Variants in PIP5K1B observed in about 807,000 individuals in gnomAD.
The protein encoded by PIP5K1B is phosphatidylinositol-4-phosphate 5-kinase type 1 beta.
A neutral mutation model predicts 67.0 loss-of-function variants in PIP5K1B; 42 were observed. That is an observed-to-expected ratio of 0.63 (90% CI 0.49 to 0.81). PIP5K1B has a LOEUF of 0.81. Ranked by LOEUF, PIP5K1B falls within the 30% of genes least tolerant of loss-of-function variation. The pLI is 0.00. For missense variants in PIP5K1B, 459 were observed against 646.3 expected (o/e 0.71, Z 3.14); for synonymous variants, 214 against 231.4 (o/e 0.92, Z 0.68).
At chr9:68,995,650 A>ATC (rs1378664672) in intron 15 of PIP5K1B, among the ~76,000 whole-genome samples, 1 of 152,042 alleles carries the variant, frequency 6.6e-6, no homozygotes, top group African/African-American at 2.4e-5. Context: ...TACTAAAACT[A>ATC]CAAAATTAGC....
At chr9:68,764,453 T>TG (rs1193734785) in intron 2 of PIP5K1B, among the ~76,000 whole-genome samples, 3 of 152,148 alleles carry the variant, frequency 2.0e-5, no homozygotes, top group Non-Finnish European at 4.4e-5. Context: ...TGTAGTTCAA[T>TG]GAATGAGTTG....
At chr9:68,933,723 C>T (rs187935158) in intron 12 of PIP5K1B, among the ~76,000 whole-genome samples, 5 of 152,254 alleles carry the variant, frequency 3.3e-5, no homozygotes, top group African/African-American at 1.2e-4. Context: ...CTCTAAAGCC[C>T]TCCACAAATG....
At chr9:68,708,380 C>T (rs1219429108) in intron 1 of PIP5K1B, among the ~76,000 whole-genome samples, 1 of 152,056 alleles carries the variant, frequency 6.6e-6, no homozygotes, top group Non-Finnish European at 1.5e-5. Context: ...ATGTAAATTC[C>T]CAACACATAA....
intron 2 of PIP5K1B, chr9:68,781,906 G>C (rs938345844): frequency 1.2e-5 from 2 of 166,942 alleles, no homozygotes; most frequent in East Asian, 3.8e-4. Flanking sequence ...GTGTGGGAAG[G>C]CTTGTTGAAC....
At chr9:68,800,732 T>G (rs1484063601) in intron 2 of PIP5K1B, among the ~76,000 whole-genome samples, 1 of 152,172 alleles carries the variant, frequency 6.6e-6, no homozygotes, top group East Asian at 1.9e-4. Flanking sequence ...AGGTGGTATC[T>G]TTTTCTCATT....
intron 14 of PIP5K1B, among the ~76,000 whole-genome samples, chr9:68,969,539 G>GA (rs377493962): frequency 5.3e-4 from 79 of 150,056 alleles, no homozygotes; most frequent in African/African-American, 1.8e-3. Context: ...ACTAGGGGAA[G>GA]AAAAAAAAAC....
At chr9:68,938,962 A>C (rs1341003274) in intron 13 of PIP5K1B, among the ~76,000 whole-genome samples, 1 of 152,208 alleles carries the variant, frequency 6.6e-6, no homozygotes, top group Non-Finnish European at 1.5e-5. Context: ...CCCCTGAATA[A>C]TCTTCCCTTT....
In PIP5K1B at chr9:68,841,916, C is replaced by T. The variant is rs544353003; in HGVS notation, c.69+19233C>T. Among the ~76,000 whole-genome samples, 9 of 152,300 alleles carry T rather than the reference C, an allele frequency of 5.9e-5. No homozygotes were observed. In the South Asian group the frequency reaches 1.0e-3, roughly 18 times the overall value. The stretch of plus-strand genomic sequence containing the variant: ...TCTGATAAAACCGTTCTTTAACATA[C>T]GAGAAAACAGAGGCCCAAATACCTT... On this transcript the variant is annotated intron_variant, in intron 4 of 15. Transcript: ENST00000265382.
intron 4 of PIP5K1B, among the ~76,000 whole-genome samples, chr9:68,854,422 A>G (rs1244169819): frequency 1.3e-5 from 2 of 152,126 alleles, no homozygotes; most frequent in African/African-American, 4.8e-5. Flanking sequence ...AAGCCACCAT[A>G]CCTGGACAGG....
chr9:68,946,406 T>G (rs769885746), intron 14 of PIP5K1B, among the ~76,000 whole-genome samples: 33 of 151,532 alleles, frequency 2.2e-4, no homozygotes, highest in Non-Finnish European at 4.7e-4. Context: ...TGTTTTTTGT[T>G]TTTTTTTTGA....
At chr9:68,758,644 T>C (rs954191004) in intron 2 of PIP5K1B, among the ~76,000 whole-genome samples, 1 of 151,884 alleles carries the variant, frequency 6.6e-6, no homozygotes, top group African/African-American at 2.4e-5. Flanking sequence ...AAAGATCTAA[T>C]GTTCATGGCA....
intron 2 of PIP5K1B, among the ~76,000 whole-genome samples, chr9:68,744,530 C>T (rs1357814328): frequency 6.6e-6 from 1 of 152,242 alleles, no homozygotes; most frequent in East Asian, 1.9e-4. Flanking sequence ...TTTATAACTG[C>T]TCCCCTTCCC....
At chr9:68,710,306 G>A (rs2132234205) in intron 1 of PIP5K1B, among the ~76,000 whole-genome samples, 1 of 152,306 alleles carries the variant, frequency 6.6e-6, no homozygotes, top group East Asian at 1.9e-4. Flanking sequence ...TATCAATAGA[G>A]CAGGATGTGT....
intron 2 of PIP5K1B, among the ~76,000 whole-genome samples, chr9:68,748,035 C>T (rs1829409512): frequency 6.6e-6 from 1 of 152,176 alleles, no homozygotes; most frequent in Non-Finnish European, 1.5e-5. Flanking sequence ...ACTAAGCAGT[C>T]ACTCCCCATT....
At chr9:68,927,169 A>T (rs993648924) in intron 12 of PIP5K1B, among the ~76,000 whole-genome samples, 20 of 152,164 alleles carry the variant, frequency 1.3e-4, no homozygotes, top group Non-Finnish European at 2.6e-4. Context: ...TTGTTTATTC[A>T]TCAGTTGATG....
Position 68,981,938 on chromosome 9 carries a change from G to C in PIP5K1B, c.1503-9202G>C, listed in dbSNP as rs74644531. On this transcript the variant is annotated intron_variant, in intron 14 of 15. Transcript: ENST00000265382. The stretch of plus-strand genomic sequence containing the variant: ...GTGAGAAGTTTATGACTTGTTCGGA[G>C]AGCAGAGCACAGAGCCCGGGAAGAG... 1.0e-3 allele frequency among the ~76,000 whole-genome samples: 159 copies of C among 152,310 alleles called. 1 individual carries two copies. Among genetic ancestry groups the C allele is most frequent in the Admixed American group, 1.8e-3 (27 of 15,304 alleles).
intron 2 of PIP5K1B, among the ~76,000 whole-genome samples, chr9:68,814,972 T>C (rs1240617517): frequency 6.6e-6 from 1 of 152,200 alleles, no homozygotes; most frequent in Non-Finnish European, 1.5e-5. Context: ...TCTATTTCTA[T>C]GGCCACAGGA....
chr9:68,768,622 T>C (rs1830543360), intron 2 of PIP5K1B, among the ~76,000 whole-genome samples: 1 of 152,222 alleles, frequency 6.6e-6, no homozygotes, highest in Non-Finnish European at 1.5e-5. Flanking sequence ...ATGTTTAACT[T>C]TTAAATTTGT....
chr9:68,781,073 A>AATC, intron 2 of PIP5K1B: 1 of 1,567,344 alleles, frequency 6.4e-7, no homozygotes, highest in Non-Finnish European at 8.7e-7. Flanking sequence ...GAGAGAGAAT[A>AATC]ATCTAGTTGG....
Sources: allele counts gnomAD v4.1 joint callset (sites outside exome capture counted in the v4.1 genomes callset), GRCh38; gene constraint gnomAD v4.1.1; transcripts MANE v1.5; gene names NCBI Gene and HGNC (gene_info 2026-07-23, HGNC 2026-07-21).